Variants in KIAA1614 observed in about 807,000 individuals in gnomAD.
KIAA1614 encodes KIAA1614, also known as uncharacterized protein KIAA1614.
KIAA1614 carries 76 observed loss-of-function variants against 88.7 expected under a neutral mutation model. That is an observed-to-expected ratio of 0.86 (90% CI 0.71 to 1.04). KIAA1614 has a LOEUF of 1.04. KIAA1614 is among the 50% of genes least tolerant of loss of function. The pLI is 0.00. For synonymous variants in KIAA1614, 714 were observed against 675.5 expected (o/e 1.06, Z -0.88); for missense variants, 1,553 against 1,582.5 (o/e 0.98, Z 0.32).
At chr1:180,923,810 G>T (rs1654006562) in intron 3 of KIAA1614, among the ~76,000 whole-genome samples, 1 of 151,996 alleles carries the variant, frequency 6.6e-6, no homozygotes, top group Non-Finnish European at 1.5e-5. Context: ...GCCCAGGGCT[G>T]TAGAGGTGGC....
At chr1:180,930,619 A>AAGGAAGAAGT (rs1654176211) in intron 4 of KIAA1614, among the ~76,000 whole-genome samples, 1 of 152,194 alleles carries the variant, frequency 6.6e-6, no homozygotes, top group Non-Finnish European at 1.5e-5. Flanking sequence ...GTCCTCTTGG[A>AAGGAAGAAGT]CACTTCTTCC....
intron 2 of KIAA1614, among the ~76,000 whole-genome samples, chr1:180,917,465 TG>T (rs3079774): frequency 6.6e-6 from 1 of 151,478 alleles, no homozygotes; most frequent in African/African-American, 2.4e-5. Flanking sequence ...GGCCCTCTGG[TG>T]GGGCAAGCAG....
Position 180,935,754 on chromosome 1 carries a change from A to AGACAACTCT in KIAA1614, c.1853_1861dup (p.Ser618_Asn620dup), listed in dbSNP as rs769806195. 6.2e-7 allele frequency: 1 copy of AGACAACTCT among 1,613,872 alleles called. No individual in the cohort carries two copies. Among genetic ancestry groups the AGACAACTCT allele is most frequent in the African/African-American group, 1.3e-5 (1 of 75,060 alleles). The stretch of plus-strand genomic sequence containing the variant: ...AGGTGGACTCTGCCCTGGACAGCAC[A>AGACAACTCT]GACAACTCTGACAACTGCAGGACCG... On this transcript the variant is annotated inframe_insertion, in exon 5 of 9. Transcript: ENST00000367588. This position sits in a 1 kb window ranked among gnomAD's most constrained non-coding sequence, Gnocchi z 6.1.
At chr1:180,925,851 T>C (rs1367806305) in intron 3 of KIAA1614, among the ~76,000 whole-genome samples, 1 of 148,854 alleles carries the variant, frequency 6.7e-6, no homozygotes, top group African/African-American at 2.4e-5. Flanking sequence ...GCCAAACATC[T>C]GTGGTGGGAA....
At chr1:180,937,298 G>A (rs1054821560) in intron 5 of KIAA1614, among the ~76,000 whole-genome samples, 1 of 152,346 alleles carries the variant, frequency 6.6e-6, no homozygotes, top group South Asian at 2.1e-4. Context: ...CTGTCCAGAG[G>A]ACCCTGTGAC....
Position 180,921,058 on chromosome 1 carries a change from C to T in KIAA1614, c.1061+3144C>T, listed in dbSNP as rs141814711. ...CCGTGTGAAAAGACCACCAAACAGGCTTTGTGTGAGCAACAAGTCTGTTTA... is the reference window on the plus strand; with the variant it reads ...CCGTGTGAAAAGACCACCAAACAGGTTTTGTGTGAGCAACAAGTCTGTTTA... On this transcript the variant is annotated intron_variant, in intron 3 of 8. Transcript: ENST00000367588. Among the ~76,000 whole-genome samples the T allele has an allele frequency of 6.9e-3, 1,055 of 152,262 alleles. 16 individuals carry two copies. Among genetic ancestry groups the T allele is most frequent in the African/African-American group, 0.024 (993 of 41,532 alleles).
Position 180,945,341 on chromosome 1 carries a change from A to G in KIAA1614, c.3326A>G (p.Glu1109Gly). The stretch of plus-strand genomic sequence containing the variant: ...TCACCACGGCGTGCCCTCAGTGTGG[A>G]GGACGTGGGTGCTCCCAGCCTGGCT... ...KTSPRRALSV[E>G]DVGAPSLART... Residue 1109 changes from glutamate to glycine, a missense_variant, in exon 9 of 9, where the codon GAG (glutamate) becomes GGG (glycine). Coordinates refer to ENST00000367588, the MANE Select transcript of KIAA1614 (RefSeq NM_020950.2). 1 of 1,593,100 alleles carries G rather than the reference A, an allele frequency of 6.3e-7. No individual in the cohort carries two copies. The highest frequency in any genetic ancestry group is 1.1e-5 in the South Asian group (1 of 87,932).
rs1196731297 is a variant in KIAA1614 at position 180,941,122 on chromosome 1, G to A, written c.2996G>A (p.Ser999Asn). 1.9e-6 allele frequency: 3 copies of A among 1,612,796 alleles called. No homozygotes were observed. The highest frequency in any genetic ancestry group is 2.7e-5 in the African/African-American group (2 of 74,732). Residue 999 changes from serine (S) to asparagine (N), a missense_variant, in exon 7 of 9, where the codon AGC becomes AAC. By Grantham distance (46) the Ser-to-Asn change is conservative. Transcript: ENST00000367588. ...GACCAGAACAAGAAAAGGAGCAGCAGCATAGCCTCCACCCTGGGGCTGAAA... is the reference window on the plus strand; with the variant it reads ...GACCAGAACAAGAAAAGGAGCAGCAACATAGCCTCCACCCTGGGGCTGAAA... ...PLDQNKKRSS[S>N]IASTLGLKKL...
At chr1:180,929,650 A>T (rs937806168) in intron 4 of KIAA1614, among the ~76,000 whole-genome samples, 2 of 152,198 alleles carry the variant, frequency 1.3e-5, no homozygotes, top group African/African-American at 2.4e-5. Flanking sequence ...TGTTCCGCCG[A>T]TGGTGCACTT....
At chr1:180,919,487 C>T (rs1430266399) in intron 3 of KIAA1614, among the ~76,000 whole-genome samples, 5 of 152,170 alleles carry the variant, frequency 3.3e-5, no homozygotes, top group Non-Finnish European at 7.4e-5. Flanking sequence ...TGTCTTTTTC[C>T]CTCTTTCTGT....
chr1:180,941,095 T>A lies in KIAA1614; in HGVS notation c.2969T>A (p.Leu990Ter), dbSNP rs529655696. The A allele has an allele frequency of 1.9e-6, 3 of 1,602,872 alleles. No homozygotes were observed. In the South Asian group the frequency reaches 3.3e-5, roughly 18 times the overall value. The change falls in exon 7 of 9, where the codon TTG (leucine) becomes TAG (stop). Residue 990 changes from leucine (L) to a stop codon, truncating the protein, a stop_gained. Coordinates refer to ENST00000367588, the MANE Select transcript of KIAA1614 (RefSeq NM_020950.2). LOFTEE classifies it high-confidence loss of function. ...TGPGSPSAAP[L>*]DQNKKRSSSI... ...CCCGGCTCCCCCTCGGCTGCCCCTT[T>A]GGACCAGAACAAGAAAAGGAGCAGC...
In KIAA1614 at chr1:180,935,343, C is replaced by T. The variant is rs1654296050; in HGVS notation, c.1434C>T (p.Thr478=). ...LQQRQRQVLS[T]VLQAADQGPL... is the part of the protein sequence containing the mutation. ...AGCGCCAGCGCCAGGTGCTGAGCAC[C>T]GTGTTGCAGGCCGCGGACCAGGGCC... The change falls in exon 5 of 9, where the codon ACC becomes ACT. Residue 478 remains threonine, a synonymous_variant. Coordinates refer to ENST00000367588, the MANE Select transcript of KIAA1614 (RefSeq NM_020950.2). The surrounding 1 kb of genome is among the most constrained non-coding windows in gnomAD (Gnocchi z 6.1). 1 of 1,475,842 alleles carries T rather than the reference C, an allele frequency of 6.8e-7. No individual in the cohort carries two copies. The highest frequency in any genetic ancestry group is 8.9e-7 in the Non-Finnish European group (1 of 1,117,716). 91.4% of individuals were successfully genotyped at this position (1,475,842 alleles called of 1,614,324 possible). A position where few individuals can be genotyped will look rare whatever the true frequency, so the allele number is the denominator to read the frequency against.
At chr1:180,942,163 T>A (rs1654483641) in intron 7 of KIAA1614, among the ~76,000 whole-genome samples, 1 of 150,184 alleles carries the variant, frequency 6.7e-6, no homozygotes, top group African/African-American at 2.4e-5. Flanking sequence ...CAGCCCTCAC[T>A]GGAGTGTGAG....
At chr1:180,921,018 ATT>A (rs1653942635) in intron 3 of KIAA1614, among the ~76,000 whole-genome samples, 1 of 152,108 alleles carries the variant, frequency 6.6e-6, no homozygotes, top group Admixed American at 6.5e-5. Flanking sequence ...AACAAATTGT[ATT>A]TTTCACGCAC....
rs1654118255 is a variant in KIAA1614, at chr1:180,928,495, A to G, written c.1127A>G (p.Gln376Arg). 2 of 1,613,200 alleles carry G rather than the reference A, an allele frequency of 1.2e-6. No individual in the cohort carries two copies. The highest frequency in any genetic ancestry group is 8.5e-7 in the Non-Finnish European group (1 of 1,179,974). ...PRHEEATHLLQRARMKARTRP... is the reference protein window; with the variant it reads ...PRHEEATHLLRRARMKARTRP... The stretch of plus-strand genomic sequence containing the variant: ...CATGAGGAAGCCACGCATCTGCTGC[A>G]GCGTGCCCGCATGAAGGCCAGGACC... Residue 376 changes from glutamine (Q) to arginine (R), a missense_variant, in exon 4 of 9, where the codon CAG (glutamine) becomes CGG (arginine). Transcript: ENST00000367588.
intron 4 of KIAA1614, among the ~76,000 whole-genome samples, chr1:180,933,005 G>A (rs1185817072): frequency 1.3e-5 from 2 of 152,144 alleles, no homozygotes; most frequent in Non-Finnish European, 2.9e-5. Context: ...CCTTCAAAGT[G>A]CTAGGATCAC....
In KIAA1614 at chr1:180,916,362, G is replaced by T. The variant is rs773166810; in HGVS notation, c.259G>T (p.Val87Leu). The T allele has an allele frequency of 1.4e-5, 22 of 1,614,120 alleles. No homozygotes were observed. Among genetic ancestry groups the T allele is most frequent in the Non-Finnish European group, 1.2e-5 (14 of 1,180,052 alleles). Residue 87 changes from valine (V) to leucine (L), a missense_variant, in exon 2 of 9, where the codon GTG (valine) becomes TTG (leucine). Physicochemically the swap from Val to Leu is conservative, Grantham distance 32. Coordinates refer to ENST00000367588, the MANE Select transcript of KIAA1614 (RefSeq NM_020950.2). Reference protein sequence around the residue: ...LQGPSVLESKVRALKEKMTVA... With the variant: ...LQGPSVLESKLRALKEKMTVA... ...GGGCCCCTCTGTGCTGGAATCCAAG[G>T]TGAGGGCTTTGAAGGAGAAGATGAC...
At chr1:180,940,033 A>C (rs547368512) in intron 6 of KIAA1614, among the ~76,000 whole-genome samples, 1 of 152,118 alleles carries the variant, frequency 6.6e-6, no homozygotes, top group East Asian at 1.9e-4. Flanking sequence ...GACCTTCCCC[A>C]CCACTCCATT....
At chr1:180,939,120 AG>A (rs1292730376) in intron 6 of KIAA1614, among the ~76,000 whole-genome samples, 2 of 149,786 alleles carry the variant, frequency 1.3e-5, no homozygotes, top group Non-Finnish European at 3.0e-5. Flanking sequence ...TGGGGGGAGA[AG>A]GGGGGAGTGG....
Sources: allele counts gnomAD v4.1 joint callset (sites outside exome capture counted in the v4.1 genomes callset), GRCh38; gene constraint gnomAD v4.1.1; non-coding constraint Gnocchi (gnomAD v3.1); transcripts MANE v1.5; gene names NCBI Gene and HGNC (gene_info 2026-07-23, HGNC 2026-07-21).